The following FNBP1 variants were observed in gnomAD, a reference collection of about 807,000 sequenced individuals.
The protein encoded by FNBP1 is formin-binding protein 1.
In FNBP1, 26 loss-of-function variants were observed where a neutral mutation model predicts 90.6. That is an observed-to-expected ratio of 0.29 (90% confidence interval 0.21 to 0.40). The LOEUF is 0.40. Ranked by LOEUF, FNBP1 falls within the 10% of genes least tolerant of loss-of-function variation. The pLI is 1.00. For missense variants in FNBP1, 635 were observed against 768.0 expected (o/e 0.83, Z 2.05); for synonymous variants, 260 against 265.2 (o/e 0.98, Z 0.19).
In FNBP1 at chr9:129,925,079, G is replaced by C. The variant is rs2041674193; in HGVS notation, c.868C>G (p.Pro290Ala). 1.2e-6 allele frequency: 2 copies of C among 1,613,594 alleles called. No individual in the cohort carries two copies. Among genetic ancestry groups the C allele is most frequent in the African/African-American group, 1.3e-5 (1 of 74,902 alleles). Residue 290 changes from proline (P) to alanine (A), a missense_variant, in exon 9 of 17, where the codon CCA becomes GCA. Coordinates refer to ENST00000446176, the MANE Select transcript of FNBP1 (RefSeq NM_015033.3). ...GDIEFEDYTQ[P>A]MKRTVSDNSL... Reference sequence around the variant, plus strand: ...TTATCTGACACAGTGCGCTTCATTGGCTGAGTGTAATCCTCAAATTCAATG... The same window carrying C: ...TTATCTGACACAGTGCGCTTCATTGCCTGAGTGTAATCCTCAAATTCAATG...
chr9:129,973,097 T>C (rs2049745768), intron 4 of FNBP1, among the ~76,000 whole-genome samples: 1 of 152,184 alleles, frequency 6.6e-6, no homozygotes, highest in Non-Finnish European at 1.5e-5. Context: ...AGCAGGGTTG[T>C]TGGCTGGAAA....
chr9:129,913,599 C>T (rs570465754), intron 11 of FNBP1, among the ~76,000 whole-genome samples: 1 of 152,036 alleles, frequency 6.6e-6, no homozygotes, highest in African/African-American at 2.4e-5. Flanking sequence ...GGTGAAACCC[C>T]GTCTCTACTA....
chr9:129,897,893 G>A (rs1471302610), intron 15 of FNBP1, among the ~76,000 whole-genome samples: 1 of 152,072 alleles, frequency 6.6e-6, no homozygotes, highest in Non-Finnish European at 1.5e-5. Context: ...ACAATGGCAC[G>A]ATCTTGGCTC....
chr9:129,899,943 T>C, intron 15 of FNBP1, 22 bp downstream of exon 15: 1 of 1,553,106 alleles, frequency 6.4e-7, no homozygotes, highest in Non-Finnish European at 8.7e-7. Flanking sequence ...GGCAGGGGAA[T>C]CCAGCAGACA....
chr9:129,999,984 G>T (rs2054589367), intron 1 of FNBP1, among the ~76,000 whole-genome samples: 1 of 152,106 alleles, frequency 6.6e-6, no homozygotes, highest in African/African-American at 2.4e-5. Context: ...GACACTTCAA[G>T]GCCCTTTTTA....
chr9:129,989,766 G>A (rs2052832047), intron 2 of FNBP1, among the ~76,000 whole-genome samples: 1 of 152,112 alleles, frequency 6.6e-6, no homozygotes, highest in Non-Finnish European at 1.5e-5. Context: ...TTGCCAGGCC[G>A]GGTGCTCACA....
chr9:129,900,442 C>A lies in FNBP1; in HGVS notation c.1534G>T (p.Ala512Ser). Reference protein sequence around the residue: ...SQNPPTVNNCAQDRESPDGSY... With the variant: ...SQNPPTVNNCSQDRESPDGSY... ...ATACTGTACCTCTCACGGTCCTGGGCGCAGTTGTTGACTGTGGGTGGGTTC... is the reference window on the plus strand; with the variant it reads ...ATACTGTACCTCTCACGGTCCTGGGAGCAGTTGTTGACTGTGGGTGGGTTC... Residue 512 changes from alanine (A) to serine (S), a missense_variant, in exon 14 of 17, where the codon GCC (alanine) becomes TCC (serine). Physicochemically the swap from Ala to Ser is moderately conservative, Grantham distance 99. Coordinates refer to ENST00000446176, the MANE Select transcript of FNBP1 (RefSeq NM_015033.3). The surrounding 1 kb of genome is among the most constrained non-coding windows in gnomAD (Gnocchi z 4.1). 1.3e-6 allele frequency: 2 copies of A among 1,598,750 alleles called. No individual in the cohort carries two copies. Among genetic ancestry groups the A allele is most frequent in the Non-Finnish European group, 1.7e-6 (2 of 1,173,444 alleles).
intron 6 of FNBP1, among the ~76,000 whole-genome samples, chr9:129,935,504 T>C (rs576800562): frequency 6.5e-4 from 99 of 151,278 alleles, no homozygotes; most frequent in Non-Finnish European, 1.3e-3. Context: ...TCTTTTTCTA[T>C]TGAGATGGAG....
chr9:130,016,739 G>A (rs1589281761), intron 1 of FNBP1, among the ~76,000 whole-genome samples: 1 of 152,172 alleles, frequency 6.6e-6, no homozygotes, highest in African/African-American at 2.4e-5. Flanking sequence ...GCAAAACTCT[G>A]TCTCAAAAAA....
At chr9:130,015,752 G>A (rs1226722176) in intron 1 of FNBP1, among the ~76,000 whole-genome samples, 1 of 152,178 alleles carries the variant, frequency 6.6e-6, no homozygotes, top group African/African-American at 2.4e-5. Flanking sequence ...TCGGCTCGCT[G>A]TAACCTCAAC....
intron 5 of FNBP1, 115 bp downstream of exon 5, chr9:129,958,376 G>T: frequency 1.4e-6 from 1 of 719,120 alleles, no homozygotes. Context: ...AGGTTACAGT[G>T]AGCCGAGATC....
chr9:129,998,781 C>T (rs2417200), intron 1 of FNBP1, among the ~76,000 whole-genome samples: 147,150 of 152,280 alleles, frequency 0.97, 71,316 homozygotes, highest in East Asian at 1. Context: ...TACATTTGAA[C>T]TGAGTCCACC....
intron 6 of FNBP1, among the ~76,000 whole-genome samples, chr9:129,954,046 C>T (rs909333049): frequency 6.6e-6 from 1 of 151,140 alleles, no homozygotes; most frequent in African/African-American, 2.4e-5. Context: ...ATAAAATAAG[C>T]ATAAATAATT....
chr9:129,927,405 G>A (rs994225247), intron 7 of FNBP1, 64 bp from the exon 8 acceptor site: 51 of 1,527,070 alleles, frequency 3.3e-5, no homozygotes, highest in Admixed American at 1.9e-4. Context: ...GTTGTTTTTC[G>A]GCAGCATTGT....
At chr9:130,050,635 A>C in the FNBP1 span, among the ~76,000 whole-genome samples, 2 of 151,550 alleles carry the variant, frequency 1.3e-5, no homozygotes, top group Non-Finnish European at 2.9e-5. Flanking sequence ...TTGGTTTGCA[A>C]TATCAATCAA....
intron 1 of FNBP1, among the ~76,000 whole-genome samples, chr9:130,016,766 T>G (rs144548750): frequency 0.011 from 1,691 of 152,090 alleles, 21 homozygotes; most frequent in Middle Eastern, 0.054. Flanking sequence ...GAAAAGAAAA[T>G]ATTTGCTTAA....
intron 11 of FNBP1, among the ~76,000 whole-genome samples, chr9:129,911,914 G>A (rs547338139): frequency 3.4e-5 from 5 of 146,552 alleles, no homozygotes; most frequent in East Asian, 2.0e-4. Context: ...CCTGGGCGAC[G>A]GGCGAGATTC....
At chr9:129,903,698 T>G (rs1477428522) in intron 12 of FNBP1, among the ~76,000 whole-genome samples, 1 of 152,112 alleles carries the variant, frequency 6.6e-6, no homozygotes, top group Admixed American at 6.6e-5. Flanking sequence ...GACTGGCTAA[T>G]TTTTGTATTT....
chr9:129,894,894 C>T (rs1315132570), intron 16 of FNBP1, among the ~76,000 whole-genome samples: 1 of 152,090 alleles, frequency 6.6e-6, no homozygotes, highest in African/African-American at 2.4e-5. Flanking sequence ...CCCGTCTCTA[C>T]TAAAAATACA....
Sources: allele counts gnomAD v4.1 joint callset (sites outside exome capture counted in the v4.1 genomes callset), GRCh38; gene constraint gnomAD v4.1.1; non-coding constraint Gnocchi (gnomAD v3.1); transcripts MANE v1.5; gene names NCBI Gene and HGNC (gene_info 2026-07-23, HGNC 2026-07-21).